The following TANGO6 variants were observed in gnomAD, a reference collection of about 807,000 sequenced individuals.
TANGO6 encodes the protein transport and Golgi organization protein 6 homolog.
In TANGO6, 90 loss-of-function variants were observed where a neutral mutation model predicts 114.2. That is an observed-to-expected ratio of 0.79 (90% CI 0.66 to 0.94). The LOEUF (loss-of-function observed/expected upper bound fraction) is 0.94, where lower values mean the gene tolerates loss of function less well. TANGO6 is among the 40% of genes least tolerant of loss of function. TANGO6 has a pLI of 0.00. For synonymous variants in TANGO6, 477 were observed against 509.8 expected (o/e 0.94, Z 0.87); for missense variants, 1,274 against 1,315.3 (o/e 0.97, Z 0.49).
chr16:69,031,011 GCA>G (rs1335850610), intron 16 of TANGO6, among the ~76,000 whole-genome samples: 1 of 151,820 alleles, frequency 6.6e-6, no homozygotes, highest in African/African-American at 2.4e-5. Flanking sequence ...AACCAATATC[GCA>G]CCACTACACT....
chr16:68,909,510 T>C, intron 11 of TANGO6, 108 bp downstream of exon 11: 1 of 1,052,926 alleles, frequency 9.5e-7, no homozygotes, highest in Non-Finnish European at 1.3e-6. Context: ...CATGAGGTGT[T>C]TCCTGGAATG....
intron 14 of TANGO6, among the ~76,000 whole-genome samples, chr16:68,942,927 G>A (rs1480088788): frequency 6.7e-6 from 1 of 148,876 alleles, no homozygotes; most frequent in Non-Finnish European, 1.5e-5. Flanking sequence ...TTTGAGACAG[G>A]GTCTGACTGT....
intron 12 of TANGO6, among the ~76,000 whole-genome samples, chr16:68,926,620 C>A (rs180943366): frequency 6.6e-6 from 1 of 151,552 alleles, no homozygotes; most frequent in African/African-American, 2.4e-5. Flanking sequence ...CTCTGCCTCC[C>A]GGGTTTAAGC....
chr16:68,901,978 A>G (rs1204780620), intron 8 of TANGO6, among the ~76,000 whole-genome samples: 2 of 151,384 alleles, frequency 1.3e-5, no homozygotes, highest in Admixed American at 6.6e-5. Flanking sequence ...TGCTGAGAGT[A>G]GATGATTTTT....
At chr16:69,075,970 G>A (rs770766275) in intron 17 of TANGO6, among the ~76,000 whole-genome samples, 3 of 151,310 alleles carry the variant, frequency 2.0e-5, no homozygotes, top group Admixed American at 6.6e-5. Context: ...TCACCATGTT[G>A]GCCAGGATGG....
chr16:69,018,036 G>A (rs936091850), intron 15 of TANGO6, among the ~76,000 whole-genome samples: 4 of 150,704 alleles, frequency 2.7e-5, no homozygotes, highest in Non-Finnish European at 4.4e-5. Context: ...CCCAAGTAGC[G>A]GGATTACAGG....
At chr16:69,023,775 C>T (rs1352331181) in intron 16 of TANGO6, among the ~76,000 whole-genome samples, 1 of 152,100 alleles carries the variant, frequency 6.6e-6, no homozygotes, top group Non-Finnish European at 1.5e-5. Flanking sequence ...TTTTGCTCAG[C>T]ATTTCATACC....
chr16:68,849,545 C>T (rs948988699), intron 1 of TANGO6, among the ~76,000 whole-genome samples: 1 of 151,540 alleles, frequency 6.6e-6, no homozygotes, highest in Non-Finnish European at 1.5e-5. Context: ...CTGTGGTCCC[C>T]GATGCTTTGG....
chr16:68,893,003 A>G lies in TANGO6; in HGVS notation c.1378-7431A>G, dbSNP rs557711867. Among the ~76,000 whole-genome samples, 23 of 152,338 alleles carry G rather than the reference A, an allele frequency of 1.5e-4. 1 individual carries two copies. The South Asian group carries it at 3.9e-3, about 26-fold the overall frequency. ...TAACCAGAAAACCTTTCAACTGAAC[A>G]TGATTTCATCTTTAAAGGACTAACT... On this transcript the variant is annotated intron_variant, in intron 7 of 17. Coordinates refer to ENST00000261778, the MANE Select transcript of TANGO6 (RefSeq NM_024562.2).
At chr16:69,009,992 C>A (rs114067987) in intron 15 of TANGO6, among the ~76,000 whole-genome samples, 1 of 152,146 alleles carries the variant, frequency 6.6e-6, no homozygotes, top group Non-Finnish European at 1.5e-5. Flanking sequence ...AATGACTGTG[C>A]GATTGATGAC....
At chr16:68,968,503 T>C (rs1963667864) in intron 14 of TANGO6, among the ~76,000 whole-genome samples, 1 of 151,746 alleles carries the variant, frequency 6.6e-6, no homozygotes, top group Admixed American at 6.6e-5. Context: ...TAGCTGTGAT[T>C]ACAGGCACCT....
chr16:68,939,743 A>G (rs1963332987), intron 14 of TANGO6, among the ~76,000 whole-genome samples: 1 of 152,252 alleles, frequency 6.6e-6, no homozygotes, highest in African/African-American at 2.4e-5. Flanking sequence ...AAATATGTAT[A>G]TGTATATACA....
At chr16:68,960,266 T>C (rs1416882257) in intron 14 of TANGO6, among the ~76,000 whole-genome samples, 1 of 151,620 alleles carries the variant, frequency 6.6e-6, no homozygotes, top group Non-Finnish European at 1.5e-5. Context: ...TTTCCCTTCC[T>C]TCTTTATGCC....
intron 14 of TANGO6, among the ~76,000 whole-genome samples, chr16:68,938,490 AACATT>A (rs1963320572): frequency 6.6e-6 from 1 of 152,180 alleles, no homozygotes. Flanking sequence ...TTTTTGGAGC[AACATT>A]ATGTGCCTTG....
At chr16:68,891,024 CA>C (rs1239776133) in intron 7 of TANGO6, among the ~76,000 whole-genome samples, 9 of 119,644 alleles carry the variant, frequency 7.5e-5, no homozygotes, top group East Asian at 2.6e-4. Flanking sequence ...GACTCCATCT[CA>C]AAAAAAAAAG....
At chr16:68,851,874 A>G (rs111786252) in intron 1 of TANGO6, among the ~76,000 whole-genome samples, 282 of 152,324 alleles carry the variant, frequency 1.9e-3, no homozygotes, top group Admixed American at 3.0e-3. Flanking sequence ...ATGGAAAGTG[A>G]TATTTCAGTA....
At chr16:68,995,013 T>C (rs751219205) in intron 15 of TANGO6, among the ~76,000 whole-genome samples, 6 of 152,220 alleles carry the variant, frequency 3.9e-5, no homozygotes, top group Non-Finnish European at 8.8e-5. Context: ...TCTCTGTCTC[T>C]TTAAAACATT....
intron 14 of TANGO6, among the ~76,000 whole-genome samples, chr16:68,932,019 A>T (rs1963247356): frequency 6.6e-6 from 1 of 151,138 alleles, no homozygotes; most frequent in Non-Finnish European, 1.5e-5. Context: ...CGAGTTACGA[A>T]CTTTAAATGG....
Position 68,940,541 on chromosome 16 carries a change from T to C in TANGO6, c.2701+10246T>C, listed in dbSNP as rs188060297. 9.5e-4 allele frequency among the ~76,000 whole-genome samples: 141 copies of C among 147,860 alleles called. 1 individual carries two copies. The highest frequency in any genetic ancestry group is 3.2e-4 in the Non-Finnish European group (22 of 68,004). On this transcript the variant is annotated intron_variant, in intron 14 of 17. Transcript: ENST00000261778. ...CAGCCTGGACAATGTCCACTTCTCA[T>C]CCTGGTTTGTAGTTTGAATGTCACT...
Sources: allele counts gnomAD v4.1 joint callset (sites outside exome capture counted in the v4.1 genomes callset), GRCh38; gene constraint gnomAD v4.1.1; transcripts MANE v1.5; gene names NCBI Gene and HGNC (gene_info 2026-07-23, HGNC 2026-07-21).